MYO10: variants seen among roughly 807,000 people sequenced by gnomAD.
MYO10 encodes the protein unconventional myosin-X.
MYO10 carries 133 observed loss-of-function variants against 257.3 expected under a neutral mutation model. The observed-to-expected ratio is 0.52, with a 90% CI of 0.45 to 0.60. The LOEUF (loss-of-function observed/expected upper bound fraction) is 0.60. Ranked by LOEUF, MYO10 falls within the 20% of genes least tolerant of loss-of-function variation. The pLI is 0.00. For synonymous variants in MYO10, 1,104 were observed against 1,028.6 expected, an observed-to-expected ratio of 1.07 and a Z score of -1.40; for missense variants, 2,399 against 2,635.7, an observed-to-expected ratio of 0.91 and a Z score of 1.97.
chr5:16,683,786 G>T, intron 30 of MYO10, 94 bp downstream of exon 30: 1 of 1,256,704 alleles, frequency 8.0e-7, no homozygotes, highest in Non-Finnish European at 1.1e-6. Flanking sequence ...TGATTTCACA[G>T]CCCTGTGAAG....
In MYO10 at chr5:16,694,440, G is replaced by C. The variant is rs983051163; in HGVS notation, c.3731C>G (p.Ser1244Cys). 3.3e-5 allele frequency: 53 copies of C among 1,613,900 alleles called. No individual in the cohort carries two copies. The highest frequency in any genetic ancestry group is 5.0e-5 in the Admixed American group (3 of 60,002). ...GTCGTTTTCAAAGTACATCAGCTTG[G>C]ACTGGCGGAGGACAAACCAGCGCTT... is the stretch of plus-strand genomic sequence containing the variant. ...WKKRWFVLRQ[S>C]KLMYFENDSE... is the part of the protein sequence containing the mutation. Residue 1244 changes from serine to cysteine, a missense_variant, in exon 27 of 41, where the codon TCC (serine) becomes TGC (cysteine). Around this residue, in one of 3 missense-constraint regions of MYO10, gnomAD observed 1,820 missense variants for 1,939.4 expected, o/e 0.94. Transcript: ENST00000513610.
intron 19 of MYO10, chr5:16,742,040 T>C: frequency 1.0e-6 from 1 of 985,408 alleles, no homozygotes; most frequent in Non-Finnish European, 1.2e-6. Context: ...AAGACACTTT[T>C]GACTGCAGGG....
intron 19 of MYO10, among the ~76,000 whole-genome samples, chr5:16,718,076 A>G (rs1051556480): frequency 6.6e-6 from 1 of 152,202 alleles, no homozygotes; most frequent in Non-Finnish European, 1.5e-5. Flanking sequence ...GCCCCGGGCA[A>G]TGGGGGACTT....
chr5:16,935,988 C>A lies in MYO10; in HGVS notation c.-180G>T. 1.4e-6 allele frequency: 1 copy of A among 703,556 alleles called. No individual in the cohort carries two copies. The highest frequency in any genetic ancestry group is 2.6e-5 in the Admixed American group (1 of 38,778). The allele number at this position is 703,556 out of a possible 1,614,324, so 43.6% of individuals were successfully genotyped here. A position where few individuals can be genotyped will look rare whatever the true frequency, so the allele number is the denominator to read the frequency against. On this transcript the variant is annotated 5_prime_UTR_variant, in exon 1 of 41. Coordinates refer to ENST00000513610, the MANE Select transcript of MYO10 (RefSeq NM_012334.3). Reference sequence around the variant, plus strand: ...CCTTCTCACCTTTTGTTCGCCCAAACCCAAGTCCCTAACTCGCCCGTCCCG... The same window carrying A: ...CCTTCTCACCTTTTGTTCGCCCAAAACCAAGTCCCTAACTCGCCCGTCCCG...
rs965214557 is a variant in MYO10, at chr5:16,901,501, T to C, written c.22-23794A>G. Among the ~76,000 whole-genome samples, 5 of 152,186 alleles carry C rather than the reference T, an allele frequency of 3.3e-5. No homozygotes were observed. The South Asian group carries it at 8.3e-4, about 25-fold the overall frequency. On this transcript the variant is annotated intron_variant, in intron 1 of 40. Coordinates refer to ENST00000513610, the MANE Select transcript of MYO10 (RefSeq NM_012334.3). ...TTTGCCAGAAGAGCGTATTTGTCTCTTACCAGCCCTGCCCTATTAACAATG... is the reference window on the plus strand; with the variant it reads ...TTTGCCAGAAGAGCGTATTTGTCTCCTACCAGCCCTGCCCTATTAACAATG...
chr5:16,669,579 C>G (rs1338366495), intron 39 of MYO10, among the ~76,000 whole-genome samples: 1 of 152,154 alleles, frequency 6.6e-6, no homozygotes, highest in Admixed American at 6.5e-5. Context: ...ATTATCTATT[C>G]CTTGTCAGGG....
At chr5:16,735,642 G>A (rs1205423866) in intron 19 of MYO10, among the ~76,000 whole-genome samples, 5 of 148,050 alleles carry the variant, frequency 3.4e-5, no homozygotes, top group Admixed American at 6.8e-5. Flanking sequence ...GCAGTGAGCC[G>A]AGATCCCACC....
At chr5:16,916,126 C>T (rs1450124150) in intron 1 of MYO10, 6 of 455,958 alleles carry the variant, frequency 1.3e-5, no homozygotes, top group East Asian at 7.0e-5. Flanking sequence ...GTCTCATTAC[C>T]GACCCATCAA....
intron 1 of MYO10, among the ~76,000 whole-genome samples, chr5:16,933,672 TA>T (rs1457549007): frequency 2.6e-5 from 4 of 152,184 alleles, no homozygotes; most frequent in African/African-American, 9.7e-5. Context: ...CTGGACAATT[TA>T]ACAAAAGGAT....
intron 2 of MYO10, among the ~76,000 whole-genome samples, chr5:16,824,494 C>T (rs1438638326): frequency 6.6e-6 from 1 of 152,170 alleles, no homozygotes; most frequent in African/African-American, 2.4e-5. Flanking sequence ...AGATGCCAAA[C>T]AACCAGATGT....
chr5:16,890,167 A>C (rs1359732375), intron 1 of MYO10, among the ~76,000 whole-genome samples: 1 of 151,854 alleles, frequency 6.6e-6, no homozygotes, highest in African/African-American at 2.4e-5. Context: ...ATTTTTTTTC[A>C]CAAAATCATA....
At chr5:16,924,869 C>T (rs1336587590) in intron 1 of MYO10, among the ~76,000 whole-genome samples, 5 of 126,358 alleles carry the variant, frequency 4.0e-5, no homozygotes, top group African/African-American at 1.5e-4. Context: ...CTCACTTTGT[C>T]ACCCAGGCTG....
intron 19 of MYO10, among the ~76,000 whole-genome samples, chr5:16,731,716 T>C (rs1410711860): frequency 6.6e-6 from 1 of 152,164 alleles, no homozygotes; most frequent in African/African-American, 2.4e-5. Context: ...GCGTGGACAT[T>C]ACCCAAGACA....
rs1173952251 is a variant in MYO10, at chr5:16,823,468, A to AT, written c.121-5302dup. ...TTGCGCGGGGGGGGGGGGAGTGGGGATTTTTTTTTTTTTTTTTTTGTGAGA... is the reference window on the plus strand; with the variant it reads ...TTGCGCGGGGGGGGGGGGAGTGGGGATTTTTTTTTTTTTTTTTTTTGTGAGA... On this transcript the variant is annotated intron_variant, in intron 2 of 40. Coordinates refer to ENST00000513610, the MANE Select transcript of MYO10 (RefSeq NM_012334.3). Among the ~76,000 whole-genome samples, 13 of 6,446 alleles carry AT rather than the reference A, an allele frequency of 2.0e-3. 3 individuals carry two copies. The highest frequency in any genetic ancestry group is 0.013 in the East Asian group (1 of 80). The allele number at this position is 6,446 out of a possible 152,430, so 4.2% of individuals were successfully genotyped here. A position where few individuals can be genotyped will look rare whatever the true frequency, so the allele number is the denominator to read the frequency against.
At chr5:16,672,875 A>G (rs58168577) in intron 36 of MYO10, 50 bp from the exon 37 acceptor site, 7 of 1,585,712 alleles carry the variant, frequency 4.4e-6, no homozygotes, top group Non-Finnish European at 5.1e-6. Flanking sequence ...CGGCCCCAAC[A>G]CGTGTTCCCA....
rs986028594 is a variant in MYO10, at chr5:16,935,898, G to A, written c.-90C>T. ...GGTCCGGGGAAACCATGCGTGTCAC[G>A]GCGCCACTCCCGAGGACGCGCGCCC... On this transcript the variant is annotated 5_prime_UTR_variant, in exon 1 of 41. Transcript: ENST00000513610. 6.5e-7 allele frequency: 1 copy of A among 1,529,926 alleles called. No homozygotes were observed. Among genetic ancestry groups the A allele is most frequent in the African/African-American group, 1.4e-5 (1 of 72,868 alleles). 94.8% of individuals were successfully genotyped at this position (1,529,926 alleles called of 1,614,324 possible). A position where few individuals can be genotyped will look rare whatever the true frequency, so the allele number is the denominator to read the frequency against.
chr5:16,705,077 A>G (rs1738269111), intron 21 of MYO10, among the ~76,000 whole-genome samples: 1 of 152,226 alleles, frequency 6.6e-6, no homozygotes, highest in African/African-American at 2.4e-5. Flanking sequence ...AATATGATTC[A>G]GAGATACAGA....
At chr5:16,807,433 G>A (rs1163853520) in intron 3 of MYO10, among the ~76,000 whole-genome samples, 1 of 152,044 alleles carries the variant, frequency 6.6e-6, no homozygotes, top group Non-Finnish European at 1.5e-5. Flanking sequence ...ATCTCACACA[G>A]TAACCCCTCC....
In MYO10 at chr5:16,747,918, CAAAAAAAAAAAA is replaced by C. The variant is rs777257950; in HGVS notation, c.1929+6898_1929+6909del. 8.5e-4 allele frequency among the ~76,000 whole-genome samples: 26 copies of C among 30,538 alleles called. No homozygotes were observed. In the East Asian group the frequency reaches 0.023, roughly 26 times the overall value. The allele number at this position is 30,538 out of a possible 152,430, so 20.0% of individuals were successfully genotyped here. A position where few individuals can be genotyped will look rare whatever the true frequency, so the allele number is the denominator to read the frequency against. Reference sequence around the variant, plus strand: ...TGGGCGACAGAGCGAAACTCCGTCTCAAAAAAAAAAAAAAAAAAAAAAAAAAAAGAAAAAAAA... The same window carrying C: ...TGGGCGACAGAGCGAAACTCCGTCTCAAAAAAAAAAAAAAAAGAAAAAAAA... On this transcript the variant is annotated intron_variant, in intron 19 of 40. Transcript: ENST00000513610.
Sources: gnomAD v4.1 joint callset for allele counts (sites outside exome capture counted in the v4.1 genomes callset) on GRCh38, gnomAD v4.1.1 for gene constraint, gnomAD v4.1.1 regional missense constraint, MANE v1.5 for transcripts, NCBI Gene and HGNC (gene_info 2026-07-23, HGNC 2026-07-21) for gene names.